ZNF574: variants seen among roughly 807,000 people sequenced by gnomAD.
ZNF574 encodes the protein zinc finger protein 574.
In ZNF574, 25 loss-of-function variants were observed where a neutral mutation model predicts 56.6. That is an observed-to-expected ratio of 0.44 (90% confidence interval 0.32 to 0.62). ZNF574 has a LOEUF of 0.62. ZNF574 is among the 20% of genes least tolerant of loss of function. ZNF574 has a pLI of 0.04. For missense variants in ZNF574, 1,065 were observed against 1,218.9 expected, an observed-to-expected ratio of 0.87 and a Z score of 1.88; for synonymous variants, 543 against 492.1, an observed-to-expected ratio of 1.10 and a Z score of -1.37.
At chr19:42,077,696 C>G (rs1321139189) in intron 1 of ZNF574, among the ~76,000 whole-genome samples, 1 of 152,028 alleles carries the variant, frequency 6.6e-6, no homozygotes, top group Non-Finnish European at 1.5e-5. Context: ...TGGATAGATA[C>G]CCTGGAGACA....
At chr19:42,075,535 T>C (rs1034435284), upstream of ZNF574, among the ~76,000 whole-genome samples, 2 of 152,236 alleles carry the variant, frequency 1.3e-5, no homozygotes, top group African/African-American at 4.8e-5. Context: ...TCTCTGTTTC[T>C]TCCTGTTGCC....
In ZNF574 at chr19:42,078,864, G is replaced by C; in HGVS notation, c.258G>C (p.Met86Ile). The C allele has an allele frequency of 6.2e-7, 1 of 1,614,086 alleles. No homozygotes were observed. Among genetic ancestry groups the C allele is most frequent in the Non-Finnish European group, 8.5e-7 (1 of 1,179,980 alleles). The change falls in exon 2 of 2, where the codon ATG (methionine) becomes ATC (isoleucine). Residue 86 changes from methionine to isoleucine, a missense_variant. By Grantham distance (10) the Met-to-Ile change is conservative. Transcript: ENST00000359044. Reference protein sequence around the residue: ...YQCLECGQLLMSPSQLLEHQE... With the variant: ...YQCLECGQLLISPSQLLEHQE... ...GCCTGGAGTGTGGTCAACTGCTGATGTCACCCAGCCAGCTCCTGGAGCACC... is the reference window on the plus strand; with the variant it reads ...GCCTGGAGTGTGGTCAACTGCTGATCTCACCCAGCCAGCTCCTGGAGCACC...
upstream of ZNF574, among the ~76,000 whole-genome samples, chr19:42,073,438 C>G (rs1267747387): frequency 2.6e-5 from 4 of 151,646 alleles, no homozygotes; most frequent in Non-Finnish European, 1.5e-5. Context: ...GTAATCCCAC[C>G]ATTTTGGGAG....
At chr19:42,073,211 G>A (rs1006142694), upstream of ZNF574, among the ~76,000 whole-genome samples, 9 of 152,136 alleles carry the variant, frequency 5.9e-5, no homozygotes, top group Admixed American at 3.9e-4. Flanking sequence ...TGGGAACTAC[G>A]ACTAGTTACT....
chr19:42,068,741 AG>A lies in ZNF574; in HGVS notation c.31del (p.Glu11ArgfsTer28). ...CGAGAGCAACCTGGGCTAACAGCAA[AG>A]AGAGAAGTTGGGCAGAGTCAGAGAG... On this transcript the variant is annotated frameshift_variant, in exon 1 of 2. Coordinates refer to the ZNF574 transcript ENST00000222339. LOFTEE classifies it high-confidence loss of function. 4.0e-6 allele frequency: 2 copies of A among 505,900 alleles called. No individual in the cohort carries two copies. The highest frequency in any genetic ancestry group is 7.1e-6 in the Non-Finnish European group (2 of 281,166). 31.3% of individuals were successfully genotyped at this position (505,900 alleles called of 1,614,324 possible). A position where few individuals can be genotyped will look rare whatever the true frequency, so the allele number is the denominator to read the frequency against.
Position 42,079,997 on chromosome 19 carries a change from G to C in ZNF574, c.1391G>C (p.Gly464Ala). 1 of 1,613,994 alleles carries C rather than the reference G, an allele frequency of 6.2e-7. No homozygotes were observed. The highest frequency in any genetic ancestry group is 8.5e-7 in the Non-Finnish European group (1 of 1,180,040). The change falls in exon 2 of 2, where the codon GGC (glycine) becomes GCC (alanine). Residue 464 changes from glycine to alanine, a missense_variant. Physicochemically the swap from Gly to Ala is moderately conservative, Grantham distance 60. Coordinates refer to ENST00000359044, the MANE Select transcript of ZNF574 (RefSeq NM_022752.6). This position sits in a 1 kb window ranked among gnomAD's most constrained non-coding sequence, Gnocchi z 4.3. Reference protein sequence around the residue: ...EETSAGPAAPGTYRCLLCSRE... With the variant: ...EETSAGPAAPATYRCLLCSRE... ...ACCTCAGCAGGGCCCGCTGCCCCAG[G>C]CACCTACCGCTGCCTCCTGTGCAGC...
intron 1 of ZNF574, among the ~76,000 whole-genome samples, chr19:42,077,105 G>A (rs373295535): frequency 1.1e-3 from 160 of 152,142 alleles, no homozygotes; most frequent in African/African-American, 3.8e-3. Context: ...AGTGAGGGGT[G>A]CCTGGGAATT....
upstream of ZNF574, among the ~76,000 whole-genome samples, chr19:42,071,266 G>A (rs1270107475): frequency 6.6e-6 from 1 of 150,568 alleles, no homozygotes; most frequent in Non-Finnish European, 1.5e-5. Context: ...CACAGATCTT[G>A]GAGTGGGGGT....
At position 42,068,649 on chromosome 19, in the gene ZNF574, G is replaced by A. The variant is rs933842131; in HGVS notation, c.-63G>A. 2.1e-5 allele frequency: 9 copies of A among 430,416 alleles called. No individual in the cohort carries two copies. The South Asian group carries it at 4.4e-4, about 21-fold the overall frequency. The allele number at this position is 430,416 out of a possible 1,614,324, so 26.7% of individuals were successfully genotyped here. A position where few individuals can be genotyped will look rare whatever the true frequency, so the allele number is the denominator to read the frequency against. On this transcript the variant is annotated 5_prime_UTR_variant, in exon 1 of 2. Coordinates refer to the ZNF574 transcript ENST00000222339. ...AAATGGAAAGAGACCTGCCGAGGGAGACTTGGAAAGAGGGAAGCCAGGGTG... is the reference window on the plus strand; with the variant it reads ...AAATGGAAAGAGACCTGCCGAGGGAAACTTGGAAAGAGGGAAGCCAGGGTG...
rs1317674677 is a variant in ZNF574, at chr19:42,079,240, C to T, written c.634C>T (p.Leu212Phe). Residue 212 changes from leucine to phenylalanine, a missense_variant, in exon 2 of 2, where the codon CTC becomes TTC. Coordinates refer to ENST00000359044, the MANE Select transcript of ZNF574 (RefSeq NM_022752.6). The surrounding 1 kb of genome is among the most constrained non-coding windows in gnomAD (Gnocchi z 4.3). The part of the protein sequence containing the change: ...TTEVVTEVEL[L>F]LYKCSECSQL... ...TGAGGTAGTGACTGAGGTGGAGCTG[C>T]TCCTCTACAAGTGCTCTGAGTGCTC... 1.2e-6 allele frequency: 2 copies of T among 1,614,086 alleles called. No individual in the cohort carries two copies. Among genetic ancestry groups the T allele is most frequent in the South Asian group, 2.2e-5 (2 of 91,088 alleles).
upstream of ZNF574, among the ~76,000 whole-genome samples, chr19:42,071,458 T>C (rs2076421396): frequency 1.3e-5 from 2 of 152,108 alleles, no homozygotes; most frequent in African/African-American, 4.8e-5. Context: ...AGCTGGCACA[T>C]GGCAACTCCT....
Position 42,081,391 on chromosome 19 carries a change from C to G in ZNF574, c.*94C>G. The stretch of plus-strand genomic sequence containing the variant: ...ATCTGTACATACTGTGTCCCTTCCT[C>G]TTCCCATCCCCACCACCTTGTAAGT... On this transcript the variant is annotated 3_prime_UTR_variant, in exon 2 of 2. Coordinates refer to ENST00000359044, the MANE Select transcript of ZNF574 (RefSeq NM_022752.6). 6.7e-7 allele frequency: 1 copy of G among 1,489,274 alleles called. No individual in the cohort carries two copies. The highest frequency in any genetic ancestry group is 1.4e-5 in the African/African-American group (1 of 72,458). The allele number at this position is 1,489,274 out of a possible 1,614,324, so 92.3% of individuals were successfully genotyped here. A position where few individuals can be genotyped will look rare whatever the true frequency, so the allele number is the denominator to read the frequency against.
Position 42,068,594 on chromosome 19 carries a change from C to A in ZNF574, c.-118C>A, listed in dbSNP as rs1018082107. ...TCAGAGGCAGAGAGAGGGAGGAGGA[C>A]AGGTGAGCGGAGGCACAGAATAGAA... On this transcript the variant is annotated 5_prime_UTR_variant, in exon 1 of 2. Coordinates refer to the ZNF574 transcript ENST00000222339. 43 of 413,916 alleles carry A rather than the reference C, an allele frequency of 1.0e-4. No individual in the cohort carries two copies. The Admixed American group carries it at 1.3e-3, about 13-fold the overall frequency. The allele number at this position is 413,916 out of a possible 1,614,324, so 25.6% of individuals were successfully genotyped here.
Position 42,080,576 on chromosome 19 carries a change from C to G in ZNF574, c.1970C>G (p.Ala657Gly). ...CTGCGGCTCCGGGAGCACCGCTGTG[C>G]AGCCGCTGCTGCCCAGGCCCCACGG... ...SSLRLREHRC[A>G]AAAAQAPRRF... Residue 657 changes from alanine to glycine, a missense_variant, in exon 2 of 2, where the codon GCA (alanine) becomes GGA (glycine). By Grantham distance (60) the Ala-to-Gly change is moderately conservative. Coordinates refer to ENST00000359044, the MANE Select transcript of ZNF574 (RefSeq NM_022752.6). This position sits in a 1 kb window ranked among gnomAD's most constrained non-coding sequence, Gnocchi z 8.5. The G allele has an allele frequency of 6.2e-7, 1 of 1,612,776 alleles. No homozygotes were observed. The highest frequency in any genetic ancestry group is 8.5e-7 in the Non-Finnish European group (1 of 1,179,780).
intron 1 of ZNF574, among the ~76,000 whole-genome samples, 165 bp downstream of exon 1, chr19:42,076,451 G>C (rs1363493359): frequency 6.6e-6 from 1 of 152,022 alleles, no homozygotes; most frequent in African/African-American, 2.4e-5. Flanking sequence ...GCCGGGCGGG[G>C]GCCGGGCTGG....
In ZNF574 at chr19:42,080,618, C is replaced by T. The variant is rs780267758; in HGVS notation, c.2012C>T (p.Thr671Ile). 5 of 1,612,908 alleles carry T rather than the reference C, an allele frequency of 3.1e-6. No individual in the cohort carries two copies. The South Asian group carries it at 5.5e-5, about 18-fold the overall frequency. The change falls in exon 2 of 2, where the codon ACC becomes ATC. Residue 671 changes from threonine (T) to isoleucine (I), a missense_variant. Transcript: ENST00000359044. The surrounding 1 kb of genome is among the most constrained non-coding windows in gnomAD (Gnocchi z 8.5). ...AQAPRRFECG[T>I]CGKKVGSAAR... Reference sequence around the variant, plus strand: ...GCCCCACGGCGCTTTGAGTGTGGCACCTGTGGCAAGAAAGTGGGCTCAGCT... The same window carrying T: ...GCCCCACGGCGCTTTGAGTGTGGCATCTGTGGCAAGAAAGTGGGCTCAGCT...
intron 1 of ZNF574, among the ~76,000 whole-genome samples, chr19:42,069,892 GGGAGACCC>G (rs1039535327): frequency 1.3e-5 from 2 of 152,152 alleles, no homozygotes; most frequent in Admixed American, 1.3e-4. Context: ...ATGGAGAGCT[GGGAGACCC>G]GGAGAGGCCA....
chr19:42,076,808 C>G (rs1174417000), intron 1 of ZNF574, among the ~76,000 whole-genome samples: 1 of 151,874 alleles, frequency 6.6e-6, no homozygotes, highest in African/African-American at 2.4e-5. Flanking sequence ...TCGATATCCC[C>G]AAGGGAACGG....
chr19:42,075,578 G>A (rs764749913), upstream of ZNF574, among the ~76,000 whole-genome samples: 2 of 152,008 alleles, frequency 1.3e-5, no homozygotes, highest in Non-Finnish European at 2.9e-5. Flanking sequence ...AGTGAGTCTG[G>A]AACCTTGGTT....
Sources: gnomAD v4.1 joint callset for allele counts (sites outside exome capture counted in the v4.1 genomes callset) on GRCh38, gnomAD v4.1.1 for gene constraint, Gnocchi (gnomAD v3.1) non-coding constraint, MANE v1.5 for transcripts, NCBI Gene and HGNC (gene_info 2026-07-23, HGNC 2026-07-21) for gene names.